NAV2: variants seen among roughly 807,000 people sequenced by gnomAD.
The protein encoded by NAV2 is helicase, APC down-regulated 1.
Under a neutral mutation model 223.2 loss-of-function variants are expected in NAV2, and 54 were observed. The observed-to-expected ratio is 0.24, with a 90% CI of 0.19 to 0.30. The LOEUF (loss-of-function observed/expected upper bound fraction) is 0.30. Ranked by LOEUF, NAV2 falls within the 10% of genes least tolerant of loss-of-function variation. NAV2 has a pLI of 1.00. For synonymous variants in NAV2, 1,279 were observed against 1,239.3 expected (o/e 1.03, Z -0.67); for missense variants, 2,806 against 3,147.5 (o/e 0.89, Z 2.60).
At chr11:19,820,958 G>A (rs562997954) in intron 1 of NAV2, among the ~76,000 whole-genome samples, 21 of 152,264 alleles carry the variant, frequency 1.4e-4, no homozygotes, top group Admixed American at 1.2e-3. Flanking sequence ...AGTATGAAAC[G>A]GGGCATTGAG....
chr11:19,947,350 T>C (rs1317640454), intron 9 of NAV2, among the ~76,000 whole-genome samples: 3 of 152,210 alleles, frequency 2.0e-5, no homozygotes, highest in Non-Finnish European at 4.4e-5. Flanking sequence ...CAAAAACAGC[T>C]TAAGGGACCA....
At chr11:19,417,573 G>C (rs924546902) in intron 1 of NAV2, among the ~76,000 whole-genome samples, 20 of 152,328 alleles carry the variant, frequency 1.3e-4, no homozygotes, top group African/African-American at 4.8e-4. Context: ...AATACCATCT[G>C]ATCCAACAAT....
intron 1 of NAV2, among the ~76,000 whole-genome samples, chr11:19,634,887 G>T (rs985027125): frequency 6.6e-6 from 1 of 152,166 alleles, no homozygotes; most frequent in African/African-American, 2.4e-5. Context: ...AAATAAAGGG[G>T]AAAATGTTGT....
chr11:19,521,446 T>C lies in NAV2; in HGVS notation c.75+170419T>C, dbSNP rs117616163. 1.3e-3 allele frequency among the ~76,000 whole-genome samples: 196 copies of C among 152,328 alleles called. 1 individual carries two copies. Among genetic ancestry groups the C allele is most frequent in the Non-Finnish European group, 2.4e-3 (163 of 68,028 alleles). ...TCTAAGTGATGGGACATTTAGTTTC[T>C]GAGTTTTGGGTAAGATGAAATTAGA... is the stretch of plus-strand genomic sequence containing the variant. On this transcript the variant is annotated intron_variant, in intron 1 of 37. Transcript: ENST00000360655.
chr11:19,843,787 C>T (rs1027263084), intron 3 of NAV2, among the ~76,000 whole-genome samples: 12 of 146,890 alleles, frequency 8.2e-5, no homozygotes. Flanking sequence ...GCTTAATTTG[C>T]TTCTGTAACC....
At chr11:20,003,192 T>A (rs1019215971) in intron 11 of NAV2, among the ~76,000 whole-genome samples, 1 of 152,056 alleles carries the variant, frequency 6.6e-6, no homozygotes, top group Non-Finnish European at 1.5e-5. Flanking sequence ...GACAAGTACC[T>A]CCCTCCCCTC....
At chr11:19,923,493 A>C (rs372099511) in intron 6 of NAV2, among the ~76,000 whole-genome samples, 2 of 152,206 alleles carry the variant, frequency 1.3e-5, no homozygotes, top group African/African-American at 4.8e-5. Flanking sequence ...GTTCAGTGGA[A>C]GCCATTCTGG....
At chr11:19,673,087 G>A (rs2048614282) in intron 1 of NAV2, among the ~76,000 whole-genome samples, 1 of 152,198 alleles carries the variant, frequency 6.6e-6, no homozygotes, top group African/African-American at 2.4e-5. Flanking sequence ...CTGAACCTCT[G>A]AGCAGCCTAG....
At chr11:19,608,138 C>T (rs565115249) in intron 1 of NAV2, among the ~76,000 whole-genome samples, 102 of 152,232 alleles carry the variant, frequency 6.7e-4, no homozygotes, top group Non-Finnish European at 1.2e-3. Context: ...TGCACCACCA[C>T]GCTCTGCATT....
chr11:20,015,064 C>T (rs1229959224), intron 11 of NAV2, among the ~76,000 whole-genome samples: 1 of 152,182 alleles, frequency 6.6e-6, no homozygotes, highest in Non-Finnish European at 1.5e-5. Flanking sequence ...TCACTGCACT[C>T]CTGCTGGGCA....
intron 10 of NAV2, among the ~76,000 whole-genome samples, chr11:19,982,109 GA>G (rs1161177126): frequency 9.2e-5 from 14 of 152,142 alleles, no homozygotes; most frequent in African/African-American, 3.1e-4. Context: ...TTTAGTGTGA[GA>G]GACATGCATT....
chr11:19,841,957 G>A (rs1280370413), intron 2 of NAV2, among the ~76,000 whole-genome samples: 2 of 152,148 alleles, frequency 1.3e-5, no homozygotes, highest in Admixed American at 6.5e-5. Context: ...TATAGATGAG[G>A]AAACTGTGAC....
chr11:19,635,168 C>T (rs73422478), intron 1 of NAV2, among the ~76,000 whole-genome samples: 2,064 of 152,208 alleles, frequency 0.014, 49 homozygotes, highest in African/African-American at 0.047. Context: ...ATAGCAGTAT[C>T]GCAGGAAGTG....
rs143490500 is a variant in NAV2 at position 20,046,024 on chromosome 11, C to T, written c.3902+354C>T. 5.8e-3 allele frequency among the ~76,000 whole-genome samples: 888 copies of T among 152,292 alleles called. 6 individuals are homozygous for T. Among genetic ancestry groups the T allele is most frequent in the African/African-American group, 0.018 (743 of 41,538 alleles). On this transcript the variant is annotated intron_variant, in intron 14 of 37. Transcript: ENST00000349880. Reference sequence around the variant, plus strand: ...ATACATCTTTGTAGCTGTGTCTGGTCGTAGTATGCACTCAATAGAAGTTAG... The same window carrying T: ...ATACATCTTTGTAGCTGTGTCTGGTTGTAGTATGCACTCAATAGAAGTTAG...
intron 10 of NAV2, among the ~76,000 whole-genome samples, chr11:19,970,692 G>A (rs1247437860): frequency 6.6e-6 from 1 of 152,082 alleles, no homozygotes; most frequent in Non-Finnish European, 1.5e-5. Context: ...TGAAATAAGG[G>A]AGCCAGGCTT....
intron 1 of NAV2, among the ~76,000 whole-genome samples, chr11:19,374,571 T>A (rs1848580083): frequency 6.6e-6 from 1 of 152,236 alleles, no homozygotes; most frequent in Admixed American, 6.5e-5. Flanking sequence ...GCAAGTATAT[T>A]TTACATATCC....
intron 1 of NAV2, chr11:19,714,606 G>C: frequency 2.6e-6 from 1 of 382,484 alleles, no homozygotes; most frequent in South Asian, 1.9e-5. Flanking sequence ...GGCTGTTGCG[G>C]TGGGGGTGGG....
rs776548626 is a variant in NAV2, at chr11:19,933,284, C to A, written c.1040C>A (p.Ala347Asp). ...CCTACTAATTGCAGTACCTCCTCGGCCATCCCGCAGCCCGGTGCAGCCACC... is the reference window on the plus strand; with the variant it reads ...CCTACTAATTGCAGTACCTCCTCGGACATCCCGCAGCCCGGTGCAGCCACC... ...STPTNCSTSS[A>D]IPQPGAATKP... is the part of the protein sequence containing the mutation. The change falls in exon 7 of 38, where the codon GCC (alanine) becomes GAC (aspartate). Residue 347 changes from alanine to aspartate, a missense_variant. Physicochemically the swap from Ala to Asp is moderately radical, Grantham distance 126. This residue lies in a region of NAV2 where 1,167 missense variants were observed against 1,180.5 expected (regional missense o/e 0.99). Coordinates refer to ENST00000349880, the MANE Select transcript of NAV2 (RefSeq NM_145117.5). This position sits in a 1 kb window ranked among gnomAD's most constrained non-coding sequence, Gnocchi z 4.3. 8.7e-6 allele frequency: 14 copies of A among 1,613,384 alleles called. No individual in the cohort carries two copies. Among genetic ancestry groups the A allele is most frequent in the Non-Finnish European group, 1.0e-5 (12 of 1,179,714 alleles).
intron 10 of NAV2, among the ~76,000 whole-genome samples, chr11:19,973,661 T>A (rs1021682239): frequency 6.6e-6 from 1 of 152,202 alleles, no homozygotes; most frequent in African/African-American, 2.4e-5. Flanking sequence ...CACTGCGGAA[T>A]TGGTTTATAG....
Sources: gnomAD v4.1 joint callset for allele counts (sites outside exome capture counted in the v4.1 genomes callset) on GRCh38, gnomAD v4.1.1 for gene constraint, gnomAD v4.1.1 regional missense constraint, Gnocchi (gnomAD v3.1) non-coding constraint, MANE v1.5 for transcripts, NCBI Gene and HGNC (gene_info 2026-07-23, HGNC 2026-07-21) for gene names.